Variants in SYT16 observed in about 807,000 individuals in gnomAD.
SYT16 encodes synaptotagmin-16.
A neutral mutation model predicts 61.4 loss-of-function variants in SYT16; 42 were observed. The observed-to-expected ratio is 0.68, with a 90% CI of 0.53 to 0.89. The LOEUF (loss-of-function observed/expected upper bound fraction) is 0.89. SYT16 is among the 40% of genes least tolerant of loss of function. The pLI, the probability that SYT16 is intolerant of heterozygous loss-of-function variation, is 0.00. For missense variants in SYT16, 804 were observed against 807.3 expected (o/e 1.00, Z 0.05); for synonymous variants, 314 against 302.3 (o/e 1.04, Z -0.40).
chr14:62,039,878 C>CAT (rs71117864), intron 3 of SYT16, among the ~76,000 whole-genome samples: 50 of 68,022 alleles, frequency 7.4e-4, no homozygotes, highest in African/African-American at 1.8e-3. Flanking sequence ...CACACACACA[C>CAT]GCACATACAC....
intron 1 of SYT16, among the ~76,000 whole-genome samples, chr14:61,840,556 A>G (rs2046273286): frequency 6.6e-6 from 1 of 152,050 alleles, no homozygotes; most frequent in Non-Finnish European, 1.5e-5. Context: ...AGACAATTTT[A>G]TTTCTCTTTT....
intron 1 of SYT16, among the ~76,000 whole-genome samples, chr14:61,935,690 A>T (rs1362228979): frequency 6.6e-6 from 1 of 152,170 alleles, no homozygotes; most frequent in Non-Finnish European, 1.5e-5. Flanking sequence ...TAGGACCTTC[A>T]CCTGGATGTG....
At chr14:61,908,813 C>T (rs1057055865) in intron 1 of SYT16, among the ~76,000 whole-genome samples, 1 of 152,126 alleles carries the variant, frequency 6.6e-6, no homozygotes, top group Non-Finnish European at 1.5e-5. Context: ...CCATTTCTTT[C>T]TTTCTTCCTT....
intron 1 of SYT16, among the ~76,000 whole-genome samples, chr14:61,906,787 G>GTCCATCCA (rs60022651): frequency 0.31 from 43,530 of 142,142 alleles, 6,892 homozygotes; most frequent in Middle Eastern, 0.4. Context: ...CCGTCCGTCC[G>GTCCATCCA]TCCATCCATC....
intron 1 of SYT16, among the ~76,000 whole-genome samples, chr14:61,849,886 G>C (rs2046559497): frequency 6.6e-6 from 1 of 152,080 alleles, no homozygotes; most frequent in African/African-American, 2.4e-5. Context: ...GCTTCTATTG[G>C]CCATCTTGTG....
rs766089633 is a variant in SYT16 at position 62,078,155 on chromosome 14, C to CTCTCTATATA, written c.994-2678_994-2677insCTCTATATAT. Among the ~76,000 whole-genome samples, 705 of 135,956 alleles carry CTCTCTATATA rather than the reference C, an allele frequency of 5.2e-3. 6 individuals carry two copies. Among genetic ancestry groups the CTCTCTATATA allele is most frequent in the African/African-American group, 0.018 (616 of 34,786 alleles). The allele number at this position is 135,956 out of a possible 152,430, so 89.2% of individuals were successfully genotyped here. A position where few individuals can be genotyped will look rare whatever the true frequency, so the allele number is the denominator to read the frequency against. On this transcript the variant is annotated intron_variant, in intron 5 of 7. Transcript: ENST00000683842. ...GCTCTCTCGCTCTCTCTCTCTCTCTCTATATATATATATATAAACACACAC... is the reference window on the plus strand; with the variant it reads ...GCTCTCTCGCTCTCTCTCTCTCTCTCTCTCTATATATATATATATATATATAAACACACAC...
At chr14:61,874,652 TG>T in intron 1 of SYT16, among the ~76,000 whole-genome samples, 1 of 152,222 alleles carries the variant, frequency 6.6e-6, no homozygotes, top group Non-Finnish European at 1.5e-5. Flanking sequence ...TGAGACTCTT[TG>T]GGACCATAAA....
chr14:62,015,396 T>C (rs184848753), intron 3 of SYT16, among the ~76,000 whole-genome samples: 117 of 152,170 alleles, frequency 7.7e-4, no homozygotes, highest in African/African-American at 2.5e-3. Context: ...ATAAATACTT[T>C]TAGATTACAG....
In SYT16 at chr14:62,081,074, C is replaced by A; in HGVS notation, c.1234C>A (p.Pro412Thr). ...GACGAACATACAGAGAGGGCCCAAC[C>A]CCGTCTTCAGGGAGAAGGTCACCTT... ...GRTNIQRGPN[P>T]VFREKVTFAK... Residue 412 changes from proline (P) to threonine (T), a missense_variant, in exon 6 of 8, where the codon CCC becomes ACC. Coordinates refer to ENST00000683842, the MANE Select transcript of SYT16 (RefSeq NM_001367656.1). The A allele has an allele frequency of 1.2e-6, 2 of 1,613,718 alleles. No individual in the cohort carries two copies. Among genetic ancestry groups the A allele is most frequent in the Non-Finnish European group, 1.7e-6 (2 of 1,179,782 alleles).
At chr14:61,850,443 A>G (rs1381363813) in intron 1 of SYT16, among the ~76,000 whole-genome samples, 1 of 151,146 alleles carries the variant, frequency 6.6e-6, no homozygotes, top group Non-Finnish European at 1.5e-5. Context: ...CCTAATTTGC[A>G]TTTTTCTGAT....
At chr14:62,095,847 C>A (rs1019157954) in intron 7 of SYT16, among the ~76,000 whole-genome samples, 1 of 151,692 alleles carries the variant, frequency 6.6e-6, no homozygotes, top group Non-Finnish European at 1.5e-5. Flanking sequence ...AGTAGAATAA[C>A]TAAAATAGCT....
At chr14:61,894,640 T>C (rs1223947417) in intron 1 of SYT16, among the ~76,000 whole-genome samples, 1 of 152,144 alleles carries the variant, frequency 6.6e-6, no homozygotes, top group Non-Finnish European at 1.5e-5. Flanking sequence ...AGGGAGGTTC[T>C]CAGAAGAACA....
intron 1 of SYT16, among the ~76,000 whole-genome samples, chr14:61,937,204 A>C (rs1041804177): frequency 6.6e-6 from 1 of 152,244 alleles, no homozygotes; most frequent in Non-Finnish European, 1.5e-5. Flanking sequence ...GCAGTAGTTC[A>C]TCATGATTTT....
At chr14:61,864,716 A>G (rs1263595441) in intron 1 of SYT16, among the ~76,000 whole-genome samples, 2 of 152,252 alleles carry the variant, frequency 1.3e-5, no homozygotes, top group Non-Finnish European at 2.9e-5. Flanking sequence ...TGTGGTGGCG[A>G]CTGCTCGGAC....
At chr14:62,097,058 G>T (rs1375788616) in intron 7 of SYT16, among the ~76,000 whole-genome samples, 2 of 152,044 alleles carry the variant, frequency 1.3e-5, no homozygotes, top group Non-Finnish European at 2.9e-5. Context: ...GCTGTAAATG[G>T]GTAGGTATTT....
chr14:62,112,047 G>GTA lies in SYT16; in HGVS notation c.*11340_*11341insTA, dbSNP rs1432430161. ...GGAAATTTTTTAATTGTTAAAAACT[G>GTA]GAATACCTTTCTACCTTTTGTAGTC... On this transcript the variant is annotated 3_prime_UTR_variant, in exon 8 of 8. Transcript: ENST00000683842. 9 of 152,170 alleles carry GTA rather than the reference G, an allele frequency of 5.9e-5. No homozygotes were observed. The South Asian group carries it at 1.9e-3, about 32-fold the overall frequency. 9.4% of individuals were successfully genotyped at this position (152,170 alleles called of 1,614,324 possible). A position where few individuals can be genotyped will look rare whatever the true frequency, so the allele number is the denominator to read the frequency against.
rs2057482912 is a variant in SYT16, at chr14:62,104,692, G to A, written c.*3985G>A. The A allele has an allele frequency of 6.6e-6, 1 of 152,176 alleles. No individual in the cohort carries two copies. Among genetic ancestry groups the A allele is most frequent in the Non-Finnish European group, 1.5e-5 (1 of 68,028 alleles). The allele number at this position is 152,176 out of a possible 1,614,324, so 9.4% of individuals were successfully genotyped here. On this transcript the variant is annotated 3_prime_UTR_variant, in exon 8 of 8. Transcript: ENST00000683842. ...AAACTGTGCTAAGACAATGAGATTG[G>A]CATAGCACAGTGAAGTTGGCACAAA...
chr14:62,051,813 C>T (rs960448742), intron 3 of SYT16, among the ~76,000 whole-genome samples: 27 of 152,270 alleles, frequency 1.8e-4, no homozygotes, highest in Admixed American at 9.8e-4. Flanking sequence ...AGGTGGATCA[C>T]CTAAGCCCAG....
At chr14:61,884,785 G>A (rs1484247183) in intron 1 of SYT16, among the ~76,000 whole-genome samples, 1 of 152,146 alleles carries the variant, frequency 6.6e-6, no homozygotes, top group African/African-American at 2.4e-5. Flanking sequence ...CTCATGCAGT[G>A]TCAAGATCTG....
Sources: gnomAD v4.1 joint callset for allele counts (sites outside exome capture counted in the v4.1 genomes callset) on GRCh38, gnomAD v4.1.1 for gene constraint, MANE v1.5 for transcripts, NCBI Gene and HGNC (gene_info 2026-07-23, HGNC 2026-07-21) for gene names.